NUP93: variants seen among roughly 807,000 people sequenced by gnomAD.
NUP93 encodes the protein nucleoporin 93.
A neutral mutation model predicts 107.8 loss-of-function variants in NUP93; 55 were observed. The observed-to-expected ratio is 0.51, with a 90% CI of 0.41 to 0.64. NUP93 has a LOEUF of 0.64. Ranked by LOEUF, NUP93 falls within the 30% of genes least tolerant of loss-of-function variation. The pLI is 0.00. For synonymous variants in NUP93, 390 were observed against 397.5 expected, an observed-to-expected ratio of 0.98 and a Z score of 0.22; for missense variants, 937 against 1,044.7, an observed-to-expected ratio of 0.90 and a Z score of 1.42.
intron 1 of NUP93, among the ~76,000 whole-genome samples, chr16:56,742,929 T>A (rs1961762713): frequency 6.6e-6 from 1 of 152,118 alleles, no homozygotes; most frequent in Non-Finnish European, 1.5e-5. Flanking sequence ...AAGAAACCAA[T>A]GAACTAATAA....
chr16:56,817,034 G>A (rs1173507383), intron 5 of NUP93, among the ~76,000 whole-genome samples: 1 of 152,284 alleles, frequency 6.6e-6, no homozygotes, highest in African/African-American at 2.4e-5. Context: ...AGGTGGCAGA[G>A]TGTAAAGATG....
At chr16:56,827,063 AAAAAAAT>A (rs1364770323) in intron 8 of NUP93, among the ~76,000 whole-genome samples, 2 of 149,890 alleles carry the variant, frequency 1.3e-5, no homozygotes, top group East Asian at 1.9e-4. Context: ...AAAAAAAAAA[AAAAAAAT>A]TTTGTTGAGT....
intron 3 of NUP93, among the ~76,000 whole-genome samples, chr16:56,771,222 T>C (rs1427561064): frequency 2.0e-5 from 3 of 152,242 alleles, no homozygotes; most frequent in African/African-American, 7.2e-5. Context: ...TATAATACTT[T>C]ACAGTGGGCT....
intron 2 of NUP93, among the ~76,000 whole-genome samples, chr16:56,750,183 T>C (rs1961893378): frequency 6.6e-6 from 1 of 152,228 alleles, no homozygotes; most frequent in Admixed American, 6.5e-5. Flanking sequence ...TTCATTTCTT[T>C]CTACCTTAAA....
intron 3 of NUP93, among the ~76,000 whole-genome samples, chr16:56,787,151 C>T (rs1437071175): frequency 6.6e-6 from 1 of 152,180 alleles, no homozygotes; most frequent in Non-Finnish European, 1.5e-5. Context: ...CGTGAAATTA[C>T]AAAAGGGAAG....
chr16:56,829,590 G>A (rs1034168065), intron 9 of NUP93, among the ~76,000 whole-genome samples: 6 of 152,240 alleles, frequency 3.9e-5, no homozygotes, highest in African/African-American at 1.4e-4. Context: ...GAGATTAGCT[G>A]CATAAAGAAG....
At chr16:56,766,423 A>G (rs1231021573) in intron 3 of NUP93, among the ~76,000 whole-genome samples, 1 of 152,200 alleles carries the variant, frequency 6.6e-6, no homozygotes, top group Admixed American at 6.5e-5. Context: ...CACTCTGGTG[A>G]TGAGAAACAT....
rs149512251 is a variant in NUP93 at position 56,820,615 on chromosome 16, C to T, written c.565-889C>T. Among the ~76,000 whole-genome samples the T allele has an allele frequency of 6.7e-3, 1,023 of 152,264 alleles. 11 individuals carry two copies. The highest frequency in any genetic ancestry group is 0.023 in the African/African-American group (970 of 41,538). On this transcript the variant is annotated intron_variant, in intron 6 of 21. Transcript: ENST00000308159. The stretch of plus-strand genomic sequence containing the variant: ...TAAAGGCTTCAGCCACTGCACCCAG[C>T]GAAACCGTTTAATCTTCATAACAGC...
intron 11 of NUP93, 129 bp downstream of exon 11, chr16:56,832,136 G>T: frequency 7.8e-7 from 1 of 1,288,038 alleles, no homozygotes; most frequent in Non-Finnish European, 1.1e-6. Flanking sequence ...CTCGTCTCCT[G>T]TCCCCATTTT....
intron 18 of NUP93, among the ~76,000 whole-genome samples, chr16:56,838,489 C>A (rs1963956925): frequency 6.6e-6 from 1 of 152,152 alleles, no homozygotes; most frequent in Admixed American, 6.5e-5. Flanking sequence ...TTGGCTGTTT[C>A]AAAATAAACA....
rs1474488730 is a variant in NUP93 at position 56,828,960 on chromosome 16, C to T, written c.795-17C>T. The T allele has an allele frequency of 5.0e-6, 8 of 1,608,014 alleles. No homozygotes were observed. The highest frequency in any genetic ancestry group is 1.7e-5 in the Admixed American group (1 of 58,360). On this transcript the variant is annotated splice_polypyrimidine_tract_variant and intron_variant, in intron 8 of 21. Coordinates refer to ENST00000308159, the MANE Select transcript of NUP93 (RefSeq NM_014669.5). ...TGTTTTCAGTCTTCCCTGTTTTTTC[C>T]TTTAAAATTTTTCCAGTTATAAGAA...
At chr16:56,815,357 A>C (rs181889564) in intron 5 of NUP93, among the ~76,000 whole-genome samples, 148 of 152,290 alleles carry the variant, frequency 9.7e-4, no homozygotes, top group African/African-American at 3.3e-3. Flanking sequence ...GTCTTAGAGA[A>C]CAGTCCTTAA....
In NUP93 at chr16:56,777,055, A is replaced by C. The variant is rs139371914; in HGVS notation, c.297+18400A>C. Among the ~76,000 whole-genome samples, 454 of 152,252 alleles carry C rather than the reference A, an allele frequency of 3.0e-3. 1 individual carries two copies. Among genetic ancestry groups the C allele is most frequent in the African/African-American group, 9.6e-3 (398 of 41,546 alleles). ...GTGTGCACGCACGTGTGTGTGTGTG[A>C]CAGAAACAGAGACAGACTGATAGGA... On this transcript the variant is annotated intron_variant, in intron 3 of 21. Coordinates refer to ENST00000308159, the MANE Select transcript of NUP93 (RefSeq NM_014669.5).
At chr16:56,754,568 A>G (rs1269797918) in intron 2 of NUP93, among the ~76,000 whole-genome samples, 2 of 152,250 alleles carry the variant, frequency 1.3e-5, no homozygotes, top group African/African-American at 4.8e-5. Flanking sequence ...GAAATTGGCC[A>G]AAACAAAGGG....
chr16:56,740,336 A>C, intron 1 of NUP93, among the ~76,000 whole-genome samples: 1 of 137,450 alleles, frequency 7.3e-6, no homozygotes, highest in Admixed American at 7.2e-5. Context: ...GACGCTCCTC[A>C]CCTCCCAGAC....
At chr16:56,731,257 C>T (rs1200678142) in intron 1 of NUP93, among the ~76,000 whole-genome samples, 2 of 152,118 alleles carry the variant, frequency 1.3e-5, no homozygotes, top group African/African-American at 4.8e-5. Flanking sequence ...TTAAACATGC[C>T]AAGAGAGGGC....
intron 12 of NUP93, 45 bp downstream of exon 12, chr16:56,832,433 A>G: frequency 6.8e-7 from 1 of 1,473,220 alleles, no homozygotes. Context: ...TTGTCCACTT[A>G]AGGTGACTAC....
chr16:56,824,861 CA>C (rs1272269627), intron 8 of NUP93, among the ~76,000 whole-genome samples: 2 of 152,048 alleles, frequency 1.3e-5, no homozygotes, highest in Non-Finnish European at 2.9e-5. Context: ...ATCTGGAGCT[CA>C]AAATGGATTT....
intron 3 of NUP93, among the ~76,000 whole-genome samples, chr16:56,794,927 C>CAAAAAAAAA (rs747651772): frequency 5.6e-5 from 4 of 71,944 alleles, no homozygotes; most frequent in African/African-American, 2.3e-4. Flanking sequence ...GACTCTGTCT[C>CAAAAAAAAA]AAAAAAAAAA....
Sources: allele counts gnomAD v4.1 joint callset (sites outside exome capture counted in the v4.1 genomes callset), GRCh38; gene constraint gnomAD v4.1.1; transcripts MANE v1.5; gene names NCBI Gene and HGNC (gene_info 2026-07-23, HGNC 2026-07-21).